The following ZNF556 variants were observed in gnomAD, a reference collection of about 807,000 sequenced individuals.
ZNF556 encodes zinc finger protein 556.
ZNF556 carries 11 observed loss-of-function variants against 13.6 expected under a neutral mutation model. That is an observed-to-expected ratio of 0.81 (90% CI 0.51 to 1.33). The LOEUF is 1.33. Among genes scored for constraint, ZNF556 ranks in the 40% most tolerant of loss-of-function variants. The probability of loss-of-function intolerance (pLI) is 0.00; values close to 1 mark genes in which losing one functional copy is unlikely to be tolerated. For synonymous variants in ZNF556, 229 were observed against 207.8 expected, an observed-to-expected ratio of 1.10 and a Z score of -0.88; for missense variants, 633 against 566.2, an observed-to-expected ratio of 1.12 and a Z score of -1.20.
In ZNF556 at chr19:2,877,989, G is replaced by C. The variant is rs1264252593; in HGVS notation, c.1031G>C (p.Ser344Thr). The change falls in exon 4 of 4, where the codon AGT (serine) becomes ACT (threonine). Residue 344 changes from serine (S) to threonine (T), a missense_variant. Ser to Thr is a moderately conservative substitution (Grantham distance 58). Transcript: ENST00000307635. Reference sequence around the variant, plus strand: ...ACGCATGCTAAAAAGAAACCTGTGAGTGGGGGCAGCGTGGGAAAGTCTTCC... The same window carrying C: ...ACGCATGCTAAAAAGAAACCTGTGACTGGGGGCAGCGTGGGAAAGTCTTCC... ...ARTHAKKKPV[S>T]GGSVGKSSAR... The C allele has an allele frequency of 1.2e-6, 2 of 1,614,082 alleles. No individual in the cohort carries two copies. Among genetic ancestry groups the C allele is most frequent in the Non-Finnish European group, 1.7e-6 (2 of 1,179,984 alleles).
At chr19:2,874,762 G>A (rs10424441) in intron 2 of ZNF556, among the ~76,000 whole-genome samples, 4,424 of 130,960 alleles carry the variant, frequency 0.034, 354 homozygotes, top group African/African-American at 0.13. Flanking sequence ...AAAAAAAAAA[G>A]AAAGAAAGAA....
In ZNF556 at chr19:2,878,216, A is replaced by G. The variant is rs1204407323; in HGVS notation, c.1258A>G (p.Ile420Val). The change falls in exon 4 of 4, where the codon ATT becomes GTT. Residue 420 changes from isoleucine (I) to valine (V), a missense_variant. Coordinates refer to ENST00000307635, the MANE Select transcript of ZNF556 (RefSeq NM_024967.3). ...CTCTTCCAAAAATGTAAGAACGCAG[A>G]TTGGACAGAAGCCCAGTAAATGCGA... ...LCSSKNVRTQ[I>V]GQKPSKCEKC... is the part of the protein sequence containing the mutation. The G allele has an allele frequency of 6.2e-7, 1 of 1,614,202 alleles. No individual in the cohort carries two copies. Among genetic ancestry groups the G allele is most frequent in the Admixed American group, 1.7e-5 (1 of 60,020 alleles).
Position 2,881,614 on chromosome 19 carries a change from G to A in ZNF556, c.*3285G>A, listed in dbSNP as rs141495114. 51 of 151,996 alleles carry A rather than the reference G, an allele frequency of 3.4e-4. No homozygotes were observed. Among genetic ancestry groups the A allele is most frequent in the African/African-American group, 1.2e-3 (51 of 41,496 alleles). The allele number at this position is 151,996 out of a possible 1,614,324, so 9.4% of individuals were successfully genotyped here. A position where few individuals can be genotyped will look rare whatever the true frequency, so the allele number is the denominator to read the frequency against. On this transcript the variant is annotated 3_prime_UTR_variant, in exon 4 of 4. Transcript: ENST00000307635. The stretch of plus-strand genomic sequence containing the variant: ...AATTTTTTTTTTGGATAATATCAAG[G>A]CAGAATAAAGTATAGTATCAAACTT...
rs560217414 is a variant in ZNF556 at position 2,878,592 on chromosome 19, C to T, written c.*263C>T. 18 of 305,792 alleles carry T rather than the reference C, an allele frequency of 5.9e-5. No individual in the cohort carries two copies. Among genetic ancestry groups the T allele is most frequent in the South Asian group, 2.9e-4 (8 of 27,378 alleles). The allele number at this position is 305,792 out of a possible 1,614,324, so 18.9% of individuals were successfully genotyped here. Reference sequence around the variant, plus strand: ...TCAGGAGGCTGAGGCAGGAGAACGGCGTGAACCCGGGAGGCGGAGCTTGCA... The same window carrying T: ...TCAGGAGGCTGAGGCAGGAGAACGGTGTGAACCCGGGAGGCGGAGCTTGCA... On this transcript the variant is annotated 3_prime_UTR_variant, in exon 4 of 4. Coordinates refer to ENST00000307635, the MANE Select transcript of ZNF556 (RefSeq NM_024967.3).
In ZNF556 at chr19:2,877,732, G is replaced by T. The variant is rs148701751; in HGVS notation, c.774G>T (p.Pro258=). 1.8e-5 allele frequency: 29 copies of T among 1,613,248 alleles called. No individual in the cohort carries two copies. In the South Asian group the frequency reaches 2.9e-4, roughly 16 times the overall value. Residue 258 remains proline, a synonymous_variant, in exon 4 of 4, where the codon CCG becomes CCT. Coordinates refer to ENST00000307635, the MANE Select transcript of ZNF556 (RefSeq NM_024967.3). The part of the protein sequence containing the change: ...AHVMMHAGGR[P]YECKHCGKAF... ...TGATGATGCACGCCGGAGGGAGACC[G>T]TATGAGTGCAAGCACTGTGGGAAAG...
Position 2,876,994 on chromosome 19 carries a change from C to T in ZNF556, c.315-279C>T, listed in dbSNP as rs544669931. Among the ~76,000 whole-genome samples the T allele has an allele frequency of 8.5e-5, 13 of 152,112 alleles. No homozygotes were observed. In the East Asian group the frequency reaches 2.1e-3, roughly 25 times the overall value. On this transcript the variant is annotated intron_variant, in intron 3 of 3. Transcript: ENST00000307635. The stretch of plus-strand genomic sequence containing the variant: ...TTGAGAGGCCAAGGTAGGTGGGTCA[C>T]CTGTGGTGAGGAGTTTGTGACCAGC...
rs375520578 is a variant in ZNF556, at chr19:2,877,271, A to G, written c.315-2A>G. The G allele has an allele frequency of 3.1e-6, 5 of 1,593,808 alleles. No homozygotes were observed. The highest frequency in any genetic ancestry group is 4.3e-6 in the Non-Finnish European group (5 of 1,170,732). On this transcript the variant is annotated splice_acceptor_variant, in intron 3 of 3. Transcript: ENST00000307635. LOFTEE classifies it high-confidence loss of function. The stretch of plus-strand genomic sequence containing the variant: ...CATTAATAATGTGCTACCCATTTTT[A>G]GCAGAAATCCAAGGGTGGAGAGACC...
In ZNF556 at chr19:2,878,057, G is replaced by C. The variant is rs2087874541; in HGVS notation, c.1099G>C (p.Glu367Gln). 6.2e-7 allele frequency: 1 copy of C among 1,614,168 alleles called. No individual in the cohort carries two copies. Among genetic ancestry groups the C allele is most frequent in the Non-Finnish European group, 8.5e-7 (1 of 1,180,030 alleles). ...PSTDVKSQTR[E>Q]KVYKCETCGK... Reference sequence around the variant, plus strand: ...CACAGATGTCAAATCACAAACTAGAGAGAAAGTCTATAAATGTGAAACGTG... The same window carrying C: ...CACAGATGTCAAATCACAAACTAGACAGAAAGTCTATAAATGTGAAACGTG... The change falls in exon 4 of 4, where the codon GAG becomes CAG. Residue 367 changes from glutamate (E) to glutamine (Q), a missense_variant. Glu to Gln is a conservative substitution (Grantham distance 29). Transcript: ENST00000307635.
At position 2,877,597 on chromosome 19, in the gene ZNF556, T is replaced by A. The variant is rs745856127; in HGVS notation, c.639T>A (p.Leu213=). The A allele has an allele frequency of 6.2e-7, 1 of 1,614,184 alleles. No homozygotes were observed. The highest frequency in any genetic ancestry group is 8.5e-7 in the Non-Finnish European group (1 of 1,180,042). The change falls in exon 4 of 4, where the codon CTT becomes CTA. Residue 213 remains leucine (L), a synonymous_variant. Coordinates refer to ENST00000307635, the MANE Select transcript of ZNF556 (RefSeq NM_024967.3). The part of the protein sequence containing the change: ...YACQSCGKTF[L]RSHSLTEHVR... ...GTCAATCTTGCGGGAAGACATTTCT[T>A]CGTTCCCACTCTCTCACTGAACATG...
intron 2 of ZNF556, 77 bp from the exon 3 acceptor site, chr19:2,876,016 G>T: frequency 1.6e-6 from 2 of 1,234,324 alleles, no homozygotes; most frequent in Non-Finnish European, 2.3e-6. Flanking sequence ...ATGAAGTCAT[G>T]AAACAATTAA....
chr19:2,867,900 C>T (rs1447116578), intron 1 of ZNF556, among the ~76,000 whole-genome samples: 2 of 152,112 alleles, frequency 1.3e-5, no homozygotes, highest in Non-Finnish European at 2.9e-5. Flanking sequence ...GCCCGCAGGC[C>T]GGACTCCAGC....
chr19:2,871,556 G>A (rs906174490), intron 1 of ZNF556, among the ~76,000 whole-genome samples: 2 of 152,182 alleles, frequency 1.3e-5, no homozygotes, highest in Non-Finnish European at 2.9e-5. Flanking sequence ...GTTCACGCCT[G>A]TAATCCCAGC....
At chr19:2,870,830 G>C (rs1351795346) in intron 1 of ZNF556, among the ~76,000 whole-genome samples, 1 of 151,652 alleles carries the variant, frequency 6.6e-6, no homozygotes, top group Non-Finnish European at 1.5e-5. Context: ...ACAAGGTCAG[G>C]AGATCGAGAC....
chr19:2,867,359 T>A lies in ZNF556; in HGVS notation c.-63T>A. ...TGAGTGACCACAGGTGTCCCCGTCG[T>A]GCTCACCTGCACCGGCTGCGAGGAG... On this transcript the variant is annotated 5_prime_UTR_variant, in exon 1 of 4. Coordinates refer to ENST00000307635, the MANE Select transcript of ZNF556 (RefSeq NM_024967.3). 6.4e-7 allele frequency: 1 copy of A among 1,560,692 alleles called. No individual in the cohort carries two copies.
At chr19:2,871,792 A>C (rs529123467) in intron 1 of ZNF556, among the ~76,000 whole-genome samples, 1 of 152,236 alleles carries the variant, frequency 6.6e-6, no homozygotes, top group African/African-American at 2.4e-5. Flanking sequence ...GGGGACCACA[A>C]CCACCAAGTC....
At chr19:2,876,015 T>A in intron 2 of ZNF556, 78 bp from the exon 3 acceptor site, 2 of 1,209,924 alleles carry the variant, frequency 1.7e-6, no homozygotes, top group Non-Finnish European at 2.3e-6. Context: ...AATGAAGTCA[T>A]GAAACAATTA....
At chr19:2,867,455 C>T (rs933653214) in intron 1 of ZNF556, 31 bp downstream of exon 1, 7 of 1,578,856 alleles carry the variant, frequency 4.4e-6, no homozygotes, top group Admixed American at 3.8e-5. Flanking sequence ...GAGCCGGAGC[C>T]GGAGCCCTGG....
At chr19:2,876,412 A>G (rs1478986596) in intron 3 of ZNF556, 136 bp downstream of exon 3, 8 of 840,186 alleles carry the variant, frequency 9.5e-6, no homozygotes, top group Non-Finnish European at 1.4e-5. Flanking sequence ...CCATATGGTG[A>G]AACCTTGTCT....
chr19:2,869,057 T>C (rs2087780827), intron 1 of ZNF556, among the ~76,000 whole-genome samples: 1 of 152,134 alleles, frequency 6.6e-6, no homozygotes, highest in Non-Finnish European at 1.5e-5. Context: ...AGGGATATAT[T>C]GTTAGTGTTC....
Sources: gnomAD v4.1 joint callset for allele counts (sites outside exome capture counted in the v4.1 genomes callset) on GRCh38, gnomAD v4.1.1 for gene constraint, MANE v1.5 for transcripts, NCBI Gene and HGNC (gene_info 2026-07-23, HGNC 2026-07-21) for gene names.